GPC3: variants seen among roughly 807,000 people sequenced by gnomAD.
The protein encoded by GPC3 is glypican-3.
GPC3 carries 3 observed loss-of-function variants against 34.4 expected under a neutral mutation model. The ratio of observed to expected loss-of-function variants is 0.09; its 90% CI spans 0.04 to 0.23. GPC3 has a LOEUF of 0.23. Among genes scored for constraint, GPC3 ranks in the 10% least tolerant of loss-of-function variants. The pLI is 1.00. For synonymous variants in GPC3, 177 were observed against 174.0 expected (o/e 1.02, Z -0.13); for missense variants, 351 against 445.6 (o/e 0.79, Z 1.91).
At chrX:133,638,825 A>AAAAAAAAAAAG (rs1395863350) in intron 6 of GPC3, among the ~76,000 whole-genome samples, 1 of 103,105 alleles carries the variant, frequency 9.7e-6, no homozygotes, top group African/African-American at 4.2e-5. Context: ...ATGAGCTAAA[A>AAAAAAAAAAAG]AAAAAAAAAA....
intron 2 of GPC3, among the ~76,000 whole-genome samples, chrX:133,769,055 T>C (rs1052317931): frequency 8.9e-6 from 1 of 112,305 alleles, no homozygotes; most frequent in African/African-American, 3.2e-5. Flanking sequence ...CTCAGCCTTT[T>C]AAAAGAAGAA....
intron 6 of GPC3, among the ~76,000 whole-genome samples, chrX:133,603,705 G>A (rs1354176882): frequency 9.0e-6 from 1 of 110,556 alleles, no homozygotes; most frequent in Non-Finnish European, 1.9e-5. Context: ...TGTGATAAAA[G>A]GAAACAAAAA....
chrX:133,670,131 CT>C (rs2070812815), intron 5 of GPC3, among the ~76,000 whole-genome samples: 1 of 111,779 alleles, frequency 8.9e-6, no homozygotes, highest in African/African-American at 3.2e-5. Flanking sequence ...AATAGGCGAT[CT>C]TTTCTTCTCA....
At chrX:133,926,288 T>C (rs1044557608) in intron 2 of GPC3, among the ~76,000 whole-genome samples, 4 of 112,002 alleles carry the variant, frequency 3.6e-5, no homozygotes, top group Non-Finnish European at 5.6e-5. Flanking sequence ...CCAAACTCCG[T>C]AGCTGTAGGG....
At chrX:133,736,434 TAGCAAC>T (rs2071511972) in intron 3 of GPC3, among the ~76,000 whole-genome samples, 1 of 112,149 alleles carries the variant, frequency 8.9e-6, no homozygotes, top group Non-Finnish European at 1.9e-5. Flanking sequence ...CAAATGTTCA[TAGCAAC>T]ACTATTCATA....
intron 2 of GPC3, among the ~76,000 whole-genome samples, chrX:133,838,339 G>T (rs898372238): frequency 2.4e-4 from 27 of 112,232 alleles, no homozygotes; most frequent in African/African-American, 7.4e-4. Flanking sequence ...TCACTTCCAT[G>T]TCTTACAAAT....
intron 6 of GPC3, among the ~76,000 whole-genome samples, chrX:133,604,824 A>G (rs1377309414): frequency 8.9e-6 from 1 of 111,851 alleles, no homozygotes; most frequent in African/African-American, 3.2e-5. Context: ...TTGGATGCTC[A>G]GCTTTATACA....
intron 2 of GPC3, among the ~76,000 whole-genome samples, chrX:133,844,696 CA>C (rs201130692): frequency 0.019 from 2,118 of 112,313 alleles, 25 homozygotes; most frequent in South Asian, 0.025. Flanking sequence ...ACTTGTTTCA[CA>C]AAACACTCTC....
chrX:133,975,577 C>A (rs2076511391), intron 1 of GPC3, among the ~76,000 whole-genome samples: 1 of 111,137 alleles, frequency 9.0e-6, no homozygotes, highest in Non-Finnish European at 1.9e-5. Flanking sequence ...CAGGCCTCCA[C>A]ATGGTGCCCA....
intron 1 of GPC3, among the ~76,000 whole-genome samples, chrX:133,970,298 C>T (rs1004757197): frequency 9.0e-5 from 10 of 111,377 alleles, no homozygotes; most frequent in African/African-American, 3.3e-4. Flanking sequence ...AAGAATTTAA[C>T]CTTAAAAGGC....
At chrX:133,909,978 C>A (rs1460491816) in intron 2 of GPC3, among the ~76,000 whole-genome samples, 3 of 111,608 alleles carry the variant, frequency 2.7e-5, no homozygotes, top group African/African-American at 6.5e-5. Flanking sequence ...AGAGAATGAG[C>A]AGATACTATG....
chrX:133,663,981 C>T (rs1603216616), intron 5 of GPC3, among the ~76,000 whole-genome samples: 2 of 111,533 alleles, frequency 1.8e-5, no homozygotes, highest in Admixed American at 1.9e-4. Context: ...GCCAAAGAAG[C>T]CTTGTTATTT....
chrX:133,687,895 A>G, intron 5 of GPC3, among the ~76,000 whole-genome samples: 1 of 112,623 alleles, frequency 8.9e-6, no homozygotes, highest in Admixed American at 9.4e-5. Context: ...ACTAAAACTA[A>G]TTTATAGTTG....
chrX:133,863,647 C>CATTTTTTTTTTTTTTTTTTT (rs1491577425), intron 2 of GPC3, among the ~76,000 whole-genome samples: 1 of 78,212 alleles, frequency 1.3e-5, no homozygotes, highest in African/African-American at 9.5e-5. Flanking sequence ...TAAAAATATT[C>CATTTTTTTTTTTTTTTTTTT]CTTTTTTTTT....
intron 6 of GPC3, among the ~76,000 whole-genome samples, chrX:133,655,430 T>C (rs2070646823): frequency 9.1e-6 from 1 of 109,717 alleles, no homozygotes; most frequent in African/African-American, 3.3e-5. Flanking sequence ...AAGTCATTCA[T>C]TGGCTTTTGC....
intron 7 of GPC3, among the ~76,000 whole-genome samples, chrX:133,565,194 A>C (rs770845302): frequency 8.9e-6 from 1 of 111,852 alleles, no homozygotes; most frequent in African/African-American, 3.2e-5. Context: ...AAACTGTTGC[A>C]TCTTTAATAC....
chrX:133,833,059 G>A lies in GPC3; in HGVS notation c.338-78883C>T, dbSNP rs757563767. On this transcript the variant is annotated intron_variant, in intron 2 of 7. Coordinates refer to ENST00000370818, the MANE Select transcript of GPC3 (RefSeq NM_004484.4). Reference sequence around the variant, plus strand: ...CCAGAAAAATTAATTGGGTGGTGCCGTTTAAATTGTACCATCTCTGCAAGG... The same window carrying A: ...CCAGAAAAATTAATTGGGTGGTGCCATTTAAATTGTACCATCTCTGCAAGG... 5.3e-5 allele frequency among the ~76,000 whole-genome samples: 6 copies of A among 112,393 alleles called. No homozygotes were observed. The East Asian group carries it at 1.1e-3, about 21-fold the overall frequency.
chrX:133,840,767 G>C (rs1724313294), intron 2 of GPC3, among the ~76,000 whole-genome samples: 1 of 110,715 alleles, frequency 9.0e-6, no homozygotes, highest in Non-Finnish European at 1.9e-5. Context: ...CTGAGGTTGG[G>C]ACAAGAGGTG....
Position 133,935,716 on chromosome X carries a change from T to G in GPC3, c.337+17334A>C, listed in dbSNP as rs190445711. 2.7e-5 allele frequency among the ~76,000 whole-genome samples: 3 copies of G among 111,459 alleles called. No homozygotes were observed. In the Admixed American group the frequency reaches 2.9e-4, roughly 11 times the overall value. On this transcript the variant is annotated intron_variant, in intron 2 of 7. Coordinates refer to ENST00000370818, the MANE Select transcript of GPC3 (RefSeq NM_004484.4). ...TTCATGACGTCTAGAGGATATAATT[T>G]TCTGTGATAATATATGAGAGTATCA...
Sources: allele counts gnomAD v4.1 joint callset (sites outside exome capture counted in the v4.1 genomes callset), GRCh38; gene constraint gnomAD v4.1.1; transcripts MANE v1.5; gene names NCBI Gene and HGNC (gene_info 2026-07-23, HGNC 2026-07-21).